The following OR51B5 variants were observed in gnomAD, a reference collection of about 807,000 sequenced individuals.
OR51B5 encodes olfactory receptor 51B5.
For missense variants in OR51B5, 456 were observed against 374.6 expected, an observed-to-expected ratio of 1.22 and a Z score of -1.79; for synonymous variants, 186 against 144.8, an observed-to-expected ratio of 1.28 and a Z score of -2.04.
chr11:5,351,555 A>AGGCATGGAGAAGGCACATCACT, intron 1 of OR51B5: 1 of 1,613,826 alleles, frequency 6.2e-7, no homozygotes, highest in Non-Finnish European at 8.5e-7. Flanking sequence ...CTGGCTTCCC[A>AGGCATGGAGAAGGCACATCACT]GGCATGGAGA....
At chr11:5,399,852 C>G (rs534067136) in intron 1 of OR51B5, among the ~76,000 whole-genome samples, 10 of 152,022 alleles carry the variant, frequency 6.6e-5, no homozygotes, top group African/African-American at 2.4e-4. Flanking sequence ...AGGAGAGACT[C>G]TAGTTTCAAG....
exon 1 of OR51B5, chr11:5,343,066 G>A (rs62000378): frequency 9.9e-6 from 16 of 1,612,932 alleles, no homozygotes; most frequent in East Asian, 2.2e-5. Context: ...GGGGAACAAC[G>A]GATACAAATC....
At chr11:5,355,532 C>T (rs1214209823) in intron 1 of OR51B5, 1 of 152,352 alleles carries the variant, frequency 6.6e-6, no homozygotes, top group Admixed American at 6.5e-5. Flanking sequence ...GAAACACTAG[C>T]ACCTGCTTCT....
chr11:5,476,334 T>C (rs1851304886), intron 1 of OR51B5, among the ~76,000 whole-genome samples: 1 of 152,216 alleles, frequency 6.6e-6, no homozygotes, highest in Non-Finnish European at 1.5e-5. Context: ...AACTTATCTA[T>C]AGTCACAAAT....
chr11:5,487,363 A>G (rs191740988), intron 1 of OR51B5, among the ~76,000 whole-genome samples: 147 of 152,286 alleles, frequency 9.7e-4, no homozygotes, highest in Non-Finnish European at 1.3e-4. Flanking sequence ...AATTTTGTGA[A>G]GTTAGGTCAG....
intron 1 of OR51B5, among the ~76,000 whole-genome samples, chr11:5,368,428 T>C (rs536681527): frequency 1.4e-4 from 22 of 151,764 alleles, no homozygotes; most frequent in Non-Finnish European, 2.5e-4. Context: ...TGTTCAATAG[T>C]GCCTGGTCCA....
At chr11:5,470,911 T>C (rs1054037578) in intron 1 of OR51B5, among the ~76,000 whole-genome samples, 28 of 152,152 alleles carry the variant, frequency 1.8e-4, no homozygotes, top group Admixed American at 1.5e-3. Flanking sequence ...GCAACCAAAT[T>C]ATTTGTTTTT....
chr11:5,378,392 T>C (rs1208240252), intron 1 of OR51B5, among the ~76,000 whole-genome samples: 3 of 152,124 alleles, frequency 2.0e-5, no homozygotes, highest in Non-Finnish European at 4.4e-5. Flanking sequence ...ATTCAGGACA[T>C]AGGCATGGGC....
At chr11:5,371,280 T>G (rs1849443467) in intron 1 of OR51B5, among the ~76,000 whole-genome samples, 1 of 152,166 alleles carries the variant, frequency 6.6e-6, no homozygotes, top group Non-Finnish European at 1.5e-5. Context: ...TTAGGTTAAT[T>G]TTTTTAAAAC....
chr11:5,463,313 T>C (rs1489078226), intron 1 of OR51B5, among the ~76,000 whole-genome samples: 1 of 152,244 alleles, frequency 6.6e-6, no homozygotes, highest in African/African-American at 2.4e-5. Context: ...CCAAACTTTC[T>C]ACAGATTTCT....
At chr11:5,453,888 A>G (rs12577167) in intron 1 of OR51B5, 227,959 of 1,613,978 alleles carry the variant, frequency 0.14, 18,745 homozygotes, top group East Asian at 0.34. Flanking sequence ...GCGCTATGCA[A>G]CTGTGCTCAC....
chr11:5,424,704 T>G (rs12292279), intron 1 of OR51B5, among the ~76,000 whole-genome samples: 9,470 of 151,396 alleles, frequency 0.063, 977 homozygotes, highest in African/African-American at 0.21. Flanking sequence ...AGGCAGGGCC[T>G]GGCGGGGTGG....
chr11:5,498,442 C>G (rs1265566345), intron 1 of OR51B5, among the ~76,000 whole-genome samples: 2 of 152,068 alleles, frequency 1.3e-5, no homozygotes, highest in Non-Finnish European at 1.5e-5. Flanking sequence ...ACTGGATGCC[C>G]TGGCCAACAA....
At chr11:5,492,147 C>G (rs1851590207) in intron 1 of OR51B5, among the ~76,000 whole-genome samples, 1 of 152,088 alleles carries the variant, frequency 6.6e-6, no homozygotes, top group Non-Finnish European at 1.5e-5. Flanking sequence ...TGAAGAACTA[C>G]CCTGCCAAGT....
At position 5,477,850 on chromosome 11, in the gene OR51B5, C is replaced by G. The variant is rs548425948; in HGVS notation, n.84+27719G>C. Among the ~76,000 whole-genome samples, 246 of 152,328 alleles carry G rather than the reference C, an allele frequency of 1.6e-3. 1 individual carries two copies. The highest frequency in any genetic ancestry group is 3.3e-3 in the African/African-American group (138 of 41,576). On this transcript the variant is annotated intron_variant and non_coding_transcript_variant, in intron 1 of 4. Coordinates refer to the OR51B5 transcript ENST00000415970. ...ATGAGATTATATCCCGCACCTGGCT[C>G]GGAGGGTCCTACGCCCACGGAGTCT... is the stretch of plus-strand genomic sequence containing the variant.
upstream of OR51B5, among the ~76,000 whole-genome samples, chr11:5,343,863 C>T (rs146048677): frequency 6.6e-6 from 1 of 152,272 alleles, no homozygotes; most frequent in East Asian, 1.9e-4. Context: ...TTAAAGAATT[C>T]GTATTCTATG....
chr11:5,390,325 G>T, intron 1 of OR51B5: 1 of 1,613,150 alleles, frequency 6.2e-7, no homozygotes. Context: ...TTAAGACCAA[G>T]GAGATCCACC....
At chr11:5,349,500 A>C (rs1849042152) in intron 1 of OR51B5, among the ~76,000 whole-genome samples, 1 of 151,924 alleles carries the variant, frequency 6.6e-6, no homozygotes, top group Non-Finnish European at 1.5e-5. Context: ...TCCCAGCTTT[A>C]TTTAGGTATA....
chr11:5,352,068 T>G (rs1313241101), intron 1 of OR51B5: 11 of 1,614,120 alleles, frequency 6.8e-6, no homozygotes, highest in Non-Finnish European at 9.3e-6. Context: ...AGCTAGCCTG[T>G]GCTGACATCA....
Sources: allele counts gnomAD v4.1 joint callset (sites outside exome capture counted in the v4.1 genomes callset), GRCh38; gene constraint gnomAD v4.1.1; transcripts MANE v1.5; gene names NCBI Gene and HGNC (gene_info 2026-07-23, HGNC 2026-07-21).